Variants in XIRP2 observed in about 807,000 individuals in gnomAD.
XIRP2 encodes xin actin binding repeat containing 2.
A neutral mutation model predicts 277.0 loss-of-function variants in XIRP2; 236 were observed. That is an observed-to-expected ratio of 0.85 (90% CI 0.77 to 0.95). The LOEUF is 0.95. Among genes scored for constraint, XIRP2 ranks in the 40% least tolerant of loss-of-function variants. The pLI, the probability that XIRP2 is intolerant of heterozygous loss-of-function variation, is 0.00. For synonymous variants in XIRP2, 1,490 were observed against 1,416.5 expected, an observed-to-expected ratio of 1.05 and a Z score of -1.17; for missense variants, 4,640 against 4,157.5, an observed-to-expected ratio of 1.12 and a Z score of -3.19.
At chr2:167,089,774 T>A (rs1182479458) in intron 2 of XIRP2, among the ~76,000 whole-genome samples, 1 of 152,170 alleles carries the variant, frequency 6.6e-6, no homozygotes, top group East Asian at 1.9e-4. Flanking sequence ...AGCTACATTT[T>A]TTTTAAGATA....
At chr2:167,211,555 T>A (rs1694047897) in intron 4 of XIRP2, among the ~76,000 whole-genome samples, 1 of 152,234 alleles carries the variant, frequency 6.6e-6, no homozygotes. Flanking sequence ...TCATTAGCAC[T>A]TAACCTGTAG....
intron 3 of XIRP2, among the ~76,000 whole-genome samples, chr2:167,146,621 T>C (rs1165875812): frequency 6.6e-6 from 1 of 151,722 alleles, no homozygotes; most frequent in Non-Finnish European, 1.5e-5. Context: ...CAATAAACAG[T>C]CTAATATATA....
chr2:167,036,465 C>A (rs969936771), intron 2 of XIRP2, among the ~76,000 whole-genome samples: 14 of 152,108 alleles, frequency 9.2e-5, no homozygotes, highest in Admixed American at 7.2e-4. Context: ...GGCCCTGTAA[C>A]CCCCTTTTCT....
chr2:167,056,623 A>G (rs955326414), intron 2 of XIRP2, among the ~76,000 whole-genome samples: 1 of 152,160 alleles, frequency 6.6e-6, no homozygotes, highest in African/African-American at 2.4e-5. Flanking sequence ...GTGAGCTTGG[A>G]CAGGTTGTTT....
chr2:167,090,578 T>C (rs1393556996), intron 2 of XIRP2, among the ~76,000 whole-genome samples: 1 of 152,178 alleles, frequency 6.6e-6, no homozygotes, highest in African/African-American at 2.4e-5. Flanking sequence ...TACTTGATGC[T>C]AGGTGATTTA....
chr2:167,257,471 C>T (rs571993826), intron 10 of XIRP2, among the ~76,000 whole-genome samples: 2 of 152,044 alleles, frequency 1.3e-5, no homozygotes, highest in East Asian at 3.9e-4. Context: ...GTTCAAAATC[C>T]AGTTAACAAA....
In XIRP2 at chr2:167,049,632, C is replaced by G. The variant is rs73012293; in HGVS notation, c.409-86277C>G. 4.0e-3 allele frequency among the ~76,000 whole-genome samples: 613 copies of G among 151,976 alleles called. 4 individuals carry two copies. The highest frequency in any genetic ancestry group is 0.014 in the African/African-American group (595 of 41,472). ...TTTTTGTCCATCTATTGAGAATTCT[C>G]TGCACAGAAACTACCTTTTCACATC... On this transcript the variant is annotated intron_variant, in intron 2 of 10. Coordinates refer to ENST00000409195, the MANE Select transcript of XIRP2 (RefSeq NM_152381.6).
chr2:167,131,131 C>T (rs1691362002), intron 2 of XIRP2, among the ~76,000 whole-genome samples: 1 of 152,060 alleles, frequency 6.6e-6, no homozygotes, highest in Non-Finnish European at 1.5e-5. Context: ...TTCAAGCTAC[C>T]AAGCTTGCAA....
At chr2:167,135,068 A>G (rs1489575621) in intron 2 of XIRP2, among the ~76,000 whole-genome samples, 1 of 152,176 alleles carries the variant, frequency 6.6e-6, no homozygotes, top group African/African-American at 2.4e-5. Flanking sequence ...TCCTGTATGA[A>G]AATCTTTAAC....
intron 2 of XIRP2, among the ~76,000 whole-genome samples, chr2:166,978,513 A>T (rs113278196): frequency 0.017 from 2,659 of 152,270 alleles, 27 homozygotes; most frequent in Non-Finnish European, 0.026. Context: ...TGAACATAGT[A>T]TATCGTTCTA....
At chr2:167,035,303 G>C (rs1688480334) in intron 2 of XIRP2, among the ~76,000 whole-genome samples, 1 of 152,230 alleles carries the variant, frequency 6.6e-6, no homozygotes, top group Non-Finnish European at 1.5e-5. Flanking sequence ...ATGTGGGAAA[G>C]TTTGGAACTT....
intron 2 of XIRP2, among the ~76,000 whole-genome samples, chr2:166,910,002 G>C (rs2105344495): frequency 6.6e-6 from 1 of 152,292 alleles, no homozygotes; most frequent in South Asian, 2.1e-4. Context: ...TGTGCTGCTG[G>C]ATTCGGTTTG....
intron 2 of XIRP2, among the ~76,000 whole-genome samples, chr2:166,977,126 T>C (rs539428711): frequency 4.6e-5 from 7 of 152,318 alleles, no homozygotes; most frequent in African/African-American, 7.2e-5. Flanking sequence ...TTTTTCCTCT[T>C]GCTACTTTCA....
Position 167,254,058 on chromosome 2 carries a change from A to G in XIRP2, c.10582A>G (p.Met3528Val). ...SEAAAPRQGN[M>V]YTLSKDSLSN... is the part of the protein sequence containing the mutation. ...AGCTGCTGCTCCAAGACAAGGAAAT[A>G]TGTATACTTTGTCAAAAGACAGTTT... The change falls in exon 10 of 11, where the codon ATG becomes GTG. Residue 3528 changes from methionine (M) to valine (V), a missense_variant. Transcript: ENST00000409195. 1 of 1,603,484 alleles carries G rather than the reference A, an allele frequency of 6.2e-7. No homozygotes were observed. Among genetic ancestry groups the G allele is most frequent in the East Asian group, 2.2e-5 (1 of 44,518 alleles).
chr2:167,024,640 T>C (rs537070223), intron 2 of XIRP2, among the ~76,000 whole-genome samples: 7 of 152,310 alleles, frequency 4.6e-5, no homozygotes, highest in East Asian at 1.9e-4. Flanking sequence ...CAATACCTAA[T>C]GTATTGAGAG....
chr2:167,085,912 T>G (rs1307667374), intron 2 of XIRP2, among the ~76,000 whole-genome samples: 1 of 152,202 alleles, frequency 6.6e-6, no homozygotes, highest in Admixed American at 6.6e-5. Flanking sequence ...CCAGTCTGTG[T>G]CTTTTAATTG....
intron 10 of XIRP2, among the ~76,000 whole-genome samples, chr2:167,256,385 T>C (rs1177748004): frequency 6.6e-6 from 1 of 151,752 alleles, no homozygotes; most frequent in Admixed American, 6.6e-5. Flanking sequence ...GTTTATTTGC[T>C]CTTGTATTTC....
chr2:167,001,918 C>T (rs1371429091), intron 2 of XIRP2, among the ~76,000 whole-genome samples: 1 of 152,028 alleles, frequency 6.6e-6, no homozygotes, highest in Non-Finnish European at 1.5e-5. Flanking sequence ...CCTCATTTAG[C>T]TTTTTATTTC....
At chr2:167,082,127 G>T (rs1240119896) in intron 2 of XIRP2, among the ~76,000 whole-genome samples, 2 of 139,534 alleles carry the variant, frequency 1.4e-5, no homozygotes, top group Non-Finnish European at 3.0e-5. Flanking sequence ...CCCAGAGTGT[G>T]ATATTCCCCT....
Sources: gnomAD v4.1 joint callset for allele counts (sites outside exome capture counted in the v4.1 genomes callset) on GRCh38, gnomAD v4.1.1 for gene constraint, MANE v1.5 for transcripts, NCBI Gene and HGNC (gene_info 2026-07-23, HGNC 2026-07-21) for gene names.